Variants in SYBU observed in about 807,000 individuals in gnomAD.
SYBU encodes the protein GOLSYN A protein.
In SYBU, 21 loss-of-function variants were observed where a neutral mutation model predicts 35.9. The ratio of observed to expected loss-of-function variants is 0.58; its 90% CI spans 0.41 to 0.84. SYBU has a LOEUF of 0.84. Among genes scored for constraint, SYBU ranks in the 40% least tolerant of loss-of-function variants. The pLI is 0.00. For synonymous variants in SYBU, 319 were observed against 324.3 expected, an observed-to-expected ratio of 0.98 and a Z score of 0.18; for missense variants, 768 against 848.2, an observed-to-expected ratio of 0.91 and a Z score of 1.17.
chr8:109,576,065 A>C (rs1414497714), intron 6 of SYBU, 52 bp from the exon 7 acceptor site: 1 of 1,464,966 alleles, frequency 6.8e-7, no homozygotes, highest in African/African-American at 1.5e-5. Context: ...AAAAAAAAAA[A>C]AAAAACTTTC....
At position 109,652,491 on chromosome 8, in the gene SYBU, G is replaced by T. The variant is rs552187264; in HGVS notation, c.-129+28220C>A. 2.0e-5 allele frequency among the ~76,000 whole-genome samples: 3 copies of T among 152,088 alleles called. No homozygotes were observed. In the South Asian group the frequency reaches 6.2e-4, roughly 32 times the overall value. Reference sequence around the variant, plus strand: ...TTGGGCTTCCCCTTGAATCTTTACTGCCTGGATGTAACCTTCTAGAAGAAA... The same window carrying T: ...TTGGGCTTCCCCTTGAATCTTTACTTCCTGGATGTAACCTTCTAGAAGAAA... On this transcript the variant is annotated intron_variant, in intron 1 of 5. Transcript: ENST00000408889.
At chr8:109,686,223 A>ACC (rs201125312) in intron 1 of SYBU, among the ~76,000 whole-genome samples, 4 of 151,510 alleles carry the variant, frequency 2.6e-5, no homozygotes, top group African/African-American at 9.7e-5. Flanking sequence ...TGGACAAAGC[A>ACC]CCCCCCGACA....
intron 3 of SYBU, among the ~76,000 whole-genome samples, chr8:109,615,394 C>T (rs559541866): frequency 6.6e-6 from 1 of 152,260 alleles, no homozygotes; most frequent in South Asian, 2.1e-4. Flanking sequence ...TCTCTGGATT[C>T]TATAAATTTT....
chr8:109,597,036 A>T (rs1375373840), intron 3 of SYBU, among the ~76,000 whole-genome samples: 1 of 152,200 alleles, frequency 6.6e-6, no homozygotes, highest in Non-Finnish European at 1.5e-5. Flanking sequence ...AGGGTCCAAT[A>T]TGCCTAAGGT....
upstream of SYBU, chr8:109,646,894 T>C (rs1815755792): frequency 6.6e-6 from 1 of 152,218 alleles, no homozygotes; most frequent in African/African-American, 2.4e-5. Flanking sequence ...TTCTGTCCAC[T>C]ATTTGTCTCC....
intron 3 of SYBU, among the ~76,000 whole-genome samples, chr8:109,594,520 A>C (rs1158968557): frequency 6.6e-6 from 1 of 152,106 alleles, no homozygotes; most frequent in Non-Finnish European, 1.5e-5. Context: ...TAAAAAACTC[A>C]CTTCTGTACT....
At chr8:109,670,244 T>A (rs189810070) in intron 1 of SYBU, among the ~76,000 whole-genome samples, 81 of 152,134 alleles carry the variant, frequency 5.3e-4, no homozygotes, top group Middle Eastern at 3.4e-3. Flanking sequence ...AAACTTTTTT[T>A]AAATTTTTTT....
At position 109,586,332 on chromosome 8, in the gene SYBU, GGCCC is replaced by G. The variant is rs1586746019; in HGVS notation, c.428-174_428-171del. On this transcript the variant is annotated intron_variant, in intron 3 of 6. Coordinates refer to ENST00000276646, the MANE Select transcript of SYBU (RefSeq NM_001099754.2). ...ATTTTCCTCAAAGCAGTCAAGAGAA[GGCCC>G]AGTACAAGAACATCATTTCATAAAC... 6.8e-6 allele frequency: 4 copies of G among 590,948 alleles called. No homozygotes were observed. In the East Asian group the frequency reaches 1.1e-4, roughly 17 times the overall value. The allele number at this position is 590,948 out of a possible 1,614,324, so 36.6% of individuals were successfully genotyped here.
rs1223252192 is a variant in SYBU, at chr8:109,624,740, A to T, written c.230-5701T>A. Among the ~76,000 whole-genome samples, 4 of 152,242 alleles carry T rather than the reference A, an allele frequency of 2.6e-5. No homozygotes were observed. The East Asian group carries it at 7.7e-4, about 29-fold the overall frequency. On this transcript the variant is annotated intron_variant, in intron 2 of 6. Transcript: ENST00000276646. ...TTAAAGCTAATGTTCACCTTATGAA[A>T]TATATAGAAAATAGAATAATGAGTT...
chr8:109,642,192 A>T (rs924295625), intron 2 of SYBU, among the ~76,000 whole-genome samples: 1 of 152,206 alleles, frequency 6.6e-6, no homozygotes, highest in African/African-American at 2.4e-5. Flanking sequence ...TTCTCAGCAA[A>T]CTAAACAGAG....
At chr8:109,643,059 T>C (rs905529345) in intron 1 of SYBU, 127 bp from the exon 2 acceptor site, 1 of 1,393,834 alleles carries the variant, frequency 7.2e-7, no homozygotes, top group African/African-American at 1.5e-5. Context: ...CACAGAGTAG[T>C]CCTTCTTATC....
intron 3 of SYBU, 122 bp downstream of exon 3, chr8:109,618,720 T>A: frequency 1.1e-6 from 1 of 893,408 alleles, no homozygotes; most frequent in Non-Finnish European, 1.8e-6. Flanking sequence ...TTAAAAATGA[T>A]GCTTTAGATG....
intron 3 of SYBU, among the ~76,000 whole-genome samples, chr8:109,599,621 C>G (rs1825287125): frequency 1.3e-5 from 2 of 152,212 alleles, no homozygotes; most frequent in East Asian, 1.9e-4. Flanking sequence ...AATTCTCCAC[C>G]TGAGGCCATC....
intron 1 of SYBU, among the ~76,000 whole-genome samples, chr8:109,677,442 G>A (rs1360298786): frequency 6.6e-6 from 1 of 152,022 alleles, no homozygotes; most frequent in African/African-American, 2.4e-5. Context: ...GAAGTAAATT[G>A]CAAAAAAATA....
chr8:109,612,065 C>T (rs138351404), intron 3 of SYBU, among the ~76,000 whole-genome samples: 33 of 152,108 alleles, frequency 2.2e-4, no homozygotes, highest in South Asian at 1.0e-3. Flanking sequence ...ACTATGGCCG[C>T]GGTTAAGAGT....
intron 1 of SYBU, among the ~76,000 whole-genome samples, chr8:109,673,259 G>C (rs1817056649): frequency 6.6e-6 from 1 of 152,186 alleles, no homozygotes; most frequent in African/African-American, 2.4e-5. Flanking sequence ...CAGCAAGTGT[G>C]AACAGACACC....
chr8:109,676,130 G>A (rs1246168746), intron 1 of SYBU, among the ~76,000 whole-genome samples: 2 of 152,128 alleles, frequency 1.3e-5, no homozygotes, highest in Non-Finnish European at 2.9e-5. Flanking sequence ...GGTAGTGAGG[G>A]AACATATCTC....
chr8:109,680,092 C>T (rs531336169), intron 1 of SYBU: 12 of 152,170 alleles, frequency 7.9e-5, no homozygotes, highest in East Asian at 1.9e-4. Flanking sequence ...ATACTACAGA[C>T]GTATTCAATT....
chr8:109,597,665 G>A (rs1445950069), intron 3 of SYBU, among the ~76,000 whole-genome samples: 1 of 152,142 alleles, frequency 6.6e-6, no homozygotes, highest in African/African-American at 2.4e-5. Context: ...AGTGAGCCAT[G>A]AGCATGCCAC....
Sources: gnomAD v4.1 joint callset for allele counts (sites outside exome capture counted in the v4.1 genomes callset) on GRCh38, gnomAD v4.1.1 for gene constraint, MANE v1.5 for transcripts, NCBI Gene and HGNC (gene_info 2026-07-23, HGNC 2026-07-21) for gene names.